Variants in DAB1 observed in about 807,000 individuals in gnomAD.
The protein encoded by DAB1 is DAB adaptor protein 1.
A neutral mutation model predicts 64.6 loss-of-function variants in DAB1; 15 were observed. That is an observed-to-expected ratio of 0.23 (90% CI 0.16 to 0.36). The LOEUF (loss-of-function observed/expected upper bound fraction) is 0.36. Ranked by LOEUF, DAB1 falls within the 10% of genes least tolerant of loss-of-function variation. DAB1 has a pLI of 1.00. For missense variants in DAB1, 596 were observed against 706.7 expected (o/e 0.84, Z 1.78); for synonymous variants, 235 against 251.9 (o/e 0.93, Z 0.64).
chr1:57,753,213 C>T (rs1648636754), intron 6 of DAB1, among the ~76,000 whole-genome samples: 2 of 152,140 alleles, frequency 1.3e-5, no homozygotes, highest in African/African-American at 4.8e-5. Flanking sequence ...ATAGAAAAAG[C>T]CCACAACTTT....
At chr1:57,143,761 C>T (rs1658838838) in intron 3 of DAB1, among the ~76,000 whole-genome samples, 2 of 151,750 alleles carry the variant, frequency 1.3e-5, no homozygotes, top group Admixed American at 1.3e-4. Flanking sequence ...AAAGGTGATG[C>T]CGATTTTATC....
intron 7 of DAB1, among the ~76,000 whole-genome samples, chr1:57,528,352 T>C (rs1644618025): frequency 6.6e-6 from 1 of 151,858 alleles, no homozygotes; most frequent in Non-Finnish European, 1.5e-5. Flanking sequence ...TTGGAAAAAA[T>C]AGTAAACAGA....
intron 3 of DAB1, among the ~76,000 whole-genome samples, chr1:58,476,943 T>C (rs1645424458): frequency 1.3e-5 from 2 of 152,140 alleles, no homozygotes; most frequent in African/African-American, 2.4e-5. Context: ...TCATTGAGAG[T>C]TGAGTACTGC....
intron 7 of DAB1, among the ~76,000 whole-genome samples, chr1:57,517,280 G>T (rs1165363913): frequency 6.6e-6 from 1 of 152,020 alleles, no homozygotes. Flanking sequence ...TCCTTTCTCA[G>T]ACTTGTTTAA....
chr1:57,287,515 A>C (rs768951328), intron 2 of DAB1, among the ~76,000 whole-genome samples: 2 of 152,234 alleles, frequency 1.3e-5, no homozygotes, highest in Admixed American at 1.3e-4. Flanking sequence ...GTAAGTACTT[A>C]AAGATTGATG....
intron 3 of DAB1, among the ~76,000 whole-genome samples, chr1:58,460,744 A>C (rs780670107): frequency 2.6e-5 from 4 of 152,064 alleles, no homozygotes; most frequent in Non-Finnish European, 5.9e-5. Context: ...GATTCATGGG[A>C]GCTAAGGGGA....
At chr1:58,186,624 T>A (rs1657091205) in intron 4 of DAB1, among the ~76,000 whole-genome samples, 1 of 152,244 alleles carries the variant, frequency 6.6e-6, no homozygotes, top group African/African-American at 2.4e-5. Context: ...GTATTAGTTT[T>A]ATTTTTCTGC....
chr1:57,595,633 C>A lies in DAB1; in HGVS notation n.625+53959G>T, dbSNP rs76705634. Among the ~76,000 whole-genome samples the A allele has an allele frequency of 8.4e-3, 1,283 of 152,038 alleles. 17 individuals carry two copies. The highest frequency in any genetic ancestry group is 0.03 in the African/African-American group (1,231 of 41,428). ...TATGGTTCAGATCTGTGTTCCCCCC[C>A]CACCCCCCAAATCCCATATAGAATA... On this transcript the variant is annotated intron_variant and non_coding_transcript_variant, in intron 7 of 20. Transcript: ENST00000485760.
At chr1:58,129,761 A>T (rs1334321688) in intron 5 of DAB1, among the ~76,000 whole-genome samples, 1 of 151,220 alleles carries the variant, frequency 6.6e-6, no homozygotes, top group Non-Finnish European at 1.5e-5. Flanking sequence ...CATGTAGTTG[A>T]GCGGCTTTGA....
rs147758463 is a variant in DAB1 at position 58,357,719 on chromosome 1, C to T, written n.258-14316G>A. 7.2e-5 allele frequency among the ~76,000 whole-genome samples: 11 copies of T among 152,250 alleles called. No homozygotes were observed. The East Asian group carries it at 2.1e-3, about 29-fold the overall frequency. On this transcript the variant is annotated intron_variant and non_coding_transcript_variant, in intron 3 of 20. Coordinates refer to the DAB1 transcript ENST00000485760. ...GTCTGGGGTAGAGCCTGATAATGTG[C>T]ATATCTGACAAGCTGGTAGGTAATG...
intron 4 of DAB1, among the ~76,000 whole-genome samples, chr1:57,095,670 A>T (rs1480472645): frequency 6.6e-6 from 1 of 152,172 alleles, no homozygotes; most frequent in Non-Finnish European, 1.5e-5. Flanking sequence ...GTGGGTGGGA[A>T]CCAGCTTGAA....
At chr1:57,238,265 C>A (rs1252320913) in intron 2 of DAB1, among the ~76,000 whole-genome samples, 2 of 152,184 alleles carry the variant, frequency 1.3e-5, no homozygotes, top group Non-Finnish European at 2.9e-5. Context: ...GGAGCCAGAA[C>A]TCTTTTGTGG....
intron 4 of DAB1, among the ~76,000 whole-genome samples, chr1:58,323,248 T>C (rs1662735615): frequency 6.6e-6 from 1 of 150,868 alleles, no homozygotes; most frequent in Non-Finnish European, 1.5e-5. Flanking sequence ...ATAATAATAA[T>C]AATAATAATA....
intron 4 of DAB1, among the ~76,000 whole-genome samples, chr1:57,073,917 C>T (rs1651743151): frequency 6.6e-6 from 1 of 152,212 alleles, no homozygotes; most frequent in African/African-American, 2.4e-5. Flanking sequence ...CACCCTGTCA[C>T]CCACGCTGGA....
chr1:58,158,738 C>A (rs192171542), intron 4 of DAB1, among the ~76,000 whole-genome samples: 2 of 152,134 alleles, frequency 1.3e-5, no homozygotes, highest in Non-Finnish European at 2.9e-5. Flanking sequence ...AGGAAGACAT[C>A]GTTAAGCAGC....
intron 7 of DAB1, among the ~76,000 whole-genome samples, chr1:57,520,330 C>G (rs999353797): frequency 1.3e-5 from 2 of 152,118 alleles, no homozygotes; most frequent in African/African-American, 2.4e-5. Context: ...CAATAAGCTA[C>G]CAGTTTCTAT....
At chr1:57,687,604 A>C (rs1646715156) in intron 6 of DAB1, among the ~76,000 whole-genome samples, 1 of 147,692 alleles carries the variant, frequency 6.8e-6, no homozygotes, top group East Asian at 1.9e-4. Flanking sequence ...AGAAACAAAA[A>C]AAAAAAAAAA....
intron 4 of DAB1, among the ~76,000 whole-genome samples, chr1:58,321,276 G>C (rs190613775): frequency 6.6e-6 from 1 of 152,322 alleles, no homozygotes; most frequent in Admixed American, 6.5e-5. Context: ...GCAGTGTCTG[G>C]AAAGAGTTCT....
chr1:58,008,578 T>C (rs1161716043), intron 5 of DAB1, among the ~76,000 whole-genome samples: 1 of 152,178 alleles, frequency 6.6e-6, no homozygotes, highest in African/African-American at 2.4e-5. Context: ...AGCTCAATCA[T>C]AGCGGTTCGG....
Sources: allele counts gnomAD v4.1 joint callset (sites outside exome capture counted in the v4.1 genomes callset), GRCh38; gene constraint gnomAD v4.1.1; transcripts MANE v1.5; gene names NCBI Gene and HGNC (gene_info 2026-07-23, HGNC 2026-07-21).